The following TTC39C variants were observed in gnomAD, a reference collection of about 807,000 sequenced individuals.
TTC39C encodes the protein tetratricopeptide repeat protein 39C.
In TTC39C, 33 loss-of-function variants were observed where a neutral mutation model predicts 76.3. The observed-to-expected ratio is 0.43, with a 90% CI of 0.33 to 0.58. The LOEUF (loss-of-function observed/expected upper bound fraction) is 0.58, where lower values mean the gene tolerates loss of function less well. TTC39C is among the 20% of genes least tolerant of loss of function. The pLI is 0.04. For synonymous variants in TTC39C, 254 were observed against 260.6 expected (o/e 0.97, Z 0.24); for missense variants, 595 against 701.4 (o/e 0.85, Z 1.71).
intron 1 of TTC39C, among the ~76,000 whole-genome samples, chr18:24,001,823 G>T (rs992650107): frequency 5.2e-4 from 30 of 57,486 alleles, no homozygotes; most frequent in East Asian, 1.1e-3. Context: ...CGGTAATTCT[G>T]TTTTTTTTTT....
rs141301935 is a variant in TTC39C at position 24,091,549 on chromosome 18, G to A, written c.984+8468G>A. Among the ~76,000 whole-genome samples the A allele has an allele frequency of 2.8e-3, 427 of 152,282 alleles. 1 individual carries two copies. Among genetic ancestry groups the A allele is most frequent in the African/African-American group, 0.01 (420 of 41,560 alleles). On this transcript the variant is annotated intron_variant, in intron 6 of 13. Coordinates refer to ENST00000317571, the MANE Select transcript of TTC39C (RefSeq NM_001135993.2). ...AGACCTAAATGTAAGATCTAAAACT[G>A]TAGAACCCTTGGGTTAGGCCTTGGT...
chr18:24,045,923 A>ATTTT (rs2083872887), intron 1 of TTC39C, among the ~76,000 whole-genome samples: 1 of 24,566 alleles, frequency 4.1e-5, no homozygotes, highest in African/African-American at 1.8e-4. Flanking sequence ...ATATATATAT[A>ATTTT]TATATTTTTT....
chr18:24,117,875 C>A (rs933771985), intron 7 of TTC39C, among the ~76,000 whole-genome samples: 3 of 152,112 alleles, frequency 2.0e-5, no homozygotes, highest in Non-Finnish European at 4.4e-5. Flanking sequence ...TTCTAGAAAT[C>A]TTTATGCCAT....
In TTC39C at chr18:24,119,787, T is replaced by C. The variant is rs993176035; in HGVS notation, c.1186+1555T>C. Reference sequence around the variant, plus strand: ...GAGTGACTCAGTGTGTTTAATACGTTGAAGAGTGGATGAATCCAGATTGAA... The same window carrying C: ...GAGTGACTCAGTGTGTTTAATACGTCGAAGAGTGGATGAATCCAGATTGAA... On this transcript the variant is annotated intron_variant, in intron 8 of 13. Transcript: ENST00000317571. 4.6e-5 allele frequency among the ~76,000 whole-genome samples: 7 copies of C among 152,252 alleles called. No homozygotes were observed. The East Asian group carries it at 1.2e-3, about 25-fold the overall frequency.
At chr18:24,012,274 A>G (rs1199302155), upstream of TTC39C, among the ~76,000 whole-genome samples, 1 of 152,156 alleles carries the variant, frequency 6.6e-6, no homozygotes, top group Admixed American at 6.5e-5. Flanking sequence ...TTTTGCACAT[A>G]TCTGGTGTGT....
chr18:24,125,627 C>G lies in TTC39C; in HGVS notation c.1420+77C>G, dbSNP rs979780522. 46 of 1,566,810 alleles carry G rather than the reference C, an allele frequency of 2.9e-5. No individual in the cohort carries two copies. In the Admixed American group the frequency reaches 7.9e-4, roughly 27 times the overall value. On this transcript the variant is annotated intron_variant, in intron 10 of 13. Coordinates refer to ENST00000317571, the MANE Select transcript of TTC39C (RefSeq NM_001135993.2). Reference sequence around the variant, plus strand: ...CTGTCAGTGCGGCATTCTTCAGTTTCCCGTTTATTTCATGTTTATCTCATC... The same window carrying G: ...CTGTCAGTGCGGCATTCTTCAGTTTGCCGTTTATTTCATGTTTATCTCATC...
At chr18:24,106,229 C>T (rs950157374) in intron 6 of TTC39C, among the ~76,000 whole-genome samples, 1 of 152,152 alleles carries the variant, frequency 6.6e-6, no homozygotes, top group African/African-American at 2.4e-5. Flanking sequence ...TAGTGTCTCC[C>T]CACAGGCAAC....
intron 6 of TTC39C, among the ~76,000 whole-genome samples, chr18:24,090,706 A>G (rs939067555): frequency 2.0e-5 from 3 of 152,110 alleles, no homozygotes; most frequent in Admixed American, 2.0e-4. Flanking sequence ...AACTTACTAC[A>G]AAGTAATCAA....
At chr18:24,123,728 C>A in intron 8 of TTC39C, 106 bp from the exon 9 acceptor site, 1 of 771,870 alleles carries the variant, frequency 1.3e-6, no homozygotes, top group Non-Finnish European at 2.0e-6. Flanking sequence ...AGTCTTTAAA[C>A]ATATTTGCTC....
At chr18:24,078,726 G>A (rs1599304311) in intron 4 of TTC39C, among the ~76,000 whole-genome samples, 1 of 152,226 alleles carries the variant, frequency 6.6e-6, no homozygotes, top group South Asian at 2.1e-4. Flanking sequence ...TTTATTGGGG[G>A]CCGATCATGT....
intron 6 of TTC39C, among the ~76,000 whole-genome samples, chr18:24,092,631 G>C (rs768019408): frequency 9.9e-5 from 15 of 152,206 alleles, no homozygotes; most frequent in Non-Finnish European, 2.1e-4. Context: ...CAGTCACAAA[G>C]ACCATATACT....
At chr18:24,012,486 C>T (rs71360537), upstream of TTC39C, among the ~76,000 whole-genome samples, 1 of 152,204 alleles carries the variant, frequency 6.6e-6, no homozygotes, top group Non-Finnish European at 1.5e-5. Context: ...ACATCCTCAG[C>T]TGCAGGGCCT....
rs142475282 is a variant in TTC39C at position 24,037,903 on chromosome 18, G to A, written c.167+22865G>A. Among the ~76,000 whole-genome samples, 269 of 152,264 alleles carry A rather than the reference G, an allele frequency of 1.8e-3. 2 individuals are homozygous for A. Among genetic ancestry groups the A allele is most frequent in the South Asian group, 3.5e-3 (17 of 4,826 alleles). ...TCAGGTCAGGAGAAAAGATCTTTTA[G>A]CTCTTTTCATTTTTCAGGCGACATG... is the stretch of plus-strand genomic sequence containing the variant. On this transcript the variant is annotated intron_variant, in intron 1 of 13. Coordinates refer to ENST00000317571, the MANE Select transcript of TTC39C (RefSeq NM_001135993.2).
intron 1 of TTC39C, chr18:24,019,952 C>T (rs779600829): frequency 6.7e-7 from 1 of 1,503,482 alleles, no homozygotes. Context: ...GCCTCTGAGC[C>T]TCTTCTCTGC....
At chr18:24,129,773 C>CA (rs5823413) in intron 11 of TTC39C, among the ~76,000 whole-genome samples, 23 of 94,986 alleles carry the variant, frequency 2.4e-4, no homozygotes, top group East Asian at 5.9e-4. Context: ...GACTCCATCT[C>CA]AAAAAAAAAA....
intron 1 of TTC39C, among the ~76,000 whole-genome samples, chr18:24,015,600 A>G (rs1221412782): frequency 6.6e-6 from 1 of 152,030 alleles, no homozygotes; most frequent in African/African-American, 2.4e-5. Flanking sequence ...TTTCAGCTCA[A>G]CTCTGCCCAC....
intron 1 of TTC39C, among the ~76,000 whole-genome samples, chr18:23,998,392 G>A (rs1184069166): frequency 1.3e-5 from 2 of 152,196 alleles, no homozygotes; most frequent in African/African-American, 4.8e-5. Flanking sequence ...CAGAGGCCGA[G>A]GCATTTGGAT....
chr18:24,022,890 A>G, intron 1 of TTC39C: 1 of 985,006 alleles, frequency 1.0e-6, no homozygotes, highest in East Asian at 1.1e-4. Flanking sequence ...TTTTAGCAAA[A>G]GGTTGTATGA....
chr18:24,080,359 AAC>A (rs2084361469), intron 4 of TTC39C, among the ~76,000 whole-genome samples: 1 of 152,192 alleles, frequency 6.6e-6, no homozygotes, highest in Admixed American at 6.5e-5. Context: ...AATGAGCAGA[AAC>A]ACACATGCTT....
Sources: allele counts gnomAD v4.1 joint callset (sites outside exome capture counted in the v4.1 genomes callset), GRCh38; gene constraint gnomAD v4.1.1; transcripts MANE v1.5; gene names NCBI Gene and HGNC (gene_info 2026-07-23, HGNC 2026-07-21).